The following FRMPD2 variants were observed in gnomAD, a reference collection of about 807,000 sequenced individuals.
FRMPD2 encodes FERM and PDZ domain containing 2.
A neutral mutation model predicts 140.1 loss-of-function variants in FRMPD2; 96 were observed. The observed-to-expected ratio is 0.69, with a 90% CI of 0.58 to 0.81. The LOEUF (loss-of-function observed/expected upper bound fraction) is 0.81, where lower values mean the gene tolerates loss of function less well. Among genes scored for constraint, FRMPD2 ranks in the 40% least tolerant of loss-of-function variants. The pLI is 0.00. For missense variants in FRMPD2, 1,240 were observed against 1,447.4 expected (o/e 0.86, Z 2.32); for synonymous variants, 449 against 547.6 (o/e 0.82, Z 2.52).
At chr10:48,243,282 A>G (rs1194491827) in intron 4 of FRMPD2, among the ~76,000 whole-genome samples, 1 of 152,222 alleles carries the variant, frequency 6.6e-6, no homozygotes, top group Non-Finnish European at 1.5e-5. Flanking sequence ...AGGCCATGGC[A>G]CTAATGTAGA....
intron 16 of FRMPD2, among the ~76,000 whole-genome samples, chr10:48,192,437 A>G (rs143109422): frequency 1.3e-5 from 2 of 152,162 alleles, no homozygotes; most frequent in Non-Finnish European, 2.9e-5. Flanking sequence ...AAATATAAAA[A>G]TTAGCAGGGT....
chr10:48,205,793 A>G (rs1839186805), intron 14 of FRMPD2, among the ~76,000 whole-genome samples: 1 of 152,218 alleles, frequency 6.6e-6, no homozygotes, highest in South Asian at 2.1e-4. Flanking sequence ...CTGAAAACAA[A>G]CAATAATTTA....
At chr10:48,221,910 A>G (rs959344800) in intron 12 of FRMPD2, among the ~76,000 whole-genome samples, 1 of 144,826 alleles carries the variant, frequency 6.9e-6, no homozygotes, top group Non-Finnish European at 1.5e-5. Flanking sequence ...GAGTGGATGG[A>G]TGGATGGATG....
intron 10 of FRMPD2, among the ~76,000 whole-genome samples, chr10:48,230,915 C>T (rs553177372): frequency 5.2e-4 from 79 of 152,314 alleles, no homozygotes; most frequent in African/African-American, 1.7e-3. Flanking sequence ...AAATGCCCAA[C>T]GCTGGTCTAG....
At chr10:48,198,298 C>T (rs1421478260) in intron 15 of FRMPD2, among the ~76,000 whole-genome samples, 1 of 152,192 alleles carries the variant, frequency 6.6e-6, no homozygotes, top group Non-Finnish European at 1.5e-5. Context: ...TATCTTAAAA[C>T]ACAATATTAA....
intron 1 of FRMPD2, among the ~76,000 whole-genome samples, chr10:48,252,720 C>T (rs1344027746): frequency 6.6e-6 from 1 of 152,182 alleles, no homozygotes. Flanking sequence ...GAAAGCTTGA[C>T]CTGTGAGCCG....
At chr10:48,199,133 T>C (rs1442501442) in intron 15 of FRMPD2, among the ~76,000 whole-genome samples, 1 of 152,144 alleles carries the variant, frequency 6.6e-6, no homozygotes, top group African/African-American at 2.4e-5. Context: ...ACCTATCAGG[T>C]ACTATGCTCA....
intron 18 of FRMPD2, among the ~76,000 whole-genome samples, chr10:48,185,292 G>A (rs1257376241): frequency 6.6e-6 from 1 of 152,122 alleles, no homozygotes; most frequent in Non-Finnish European, 1.5e-5. Context: ...GAGGAATGTT[G>A]TTACATGGTA....
At chr10:48,203,885 G>A (rs553374173) in intron 14 of FRMPD2, among the ~76,000 whole-genome samples, 23 of 152,258 alleles carry the variant, frequency 1.5e-4, no homozygotes, top group African/African-American at 5.5e-4. Flanking sequence ...ACGTCCCTTC[G>A]CACCAGGTGG....
At chr10:48,274,717 T>C, upstream of FRMPD2, 2 of 707,772 alleles carry the variant, frequency 2.8e-6, no homozygotes, top group Non-Finnish European at 5.0e-6. Flanking sequence ...AAGCACTTGC[T>C]GCCCAGCGAG....
At chr10:48,173,708 A>G (rs1268097726) in intron 24 of FRMPD2, among the ~76,000 whole-genome samples, 1 of 152,108 alleles carries the variant, frequency 6.6e-6, no homozygotes, top group Non-Finnish European at 1.5e-5. Context: ...ACCCAAACCC[A>G]TGGCACCCCA....
chr10:48,176,822 G>A (rs1838421763), intron 22 of FRMPD2, among the ~76,000 whole-genome samples: 1 of 151,912 alleles, frequency 6.6e-6, no homozygotes, highest in Admixed American at 6.6e-5. Context: ...TTATTGCTTG[G>A]TTTCTTACTT....
At chr10:48,270,245 C>T (rs974560071) in intron 1 of FRMPD2, among the ~76,000 whole-genome samples, 15 of 152,090 alleles carry the variant, frequency 9.9e-5, no homozygotes, top group African/African-American at 3.1e-4. Flanking sequence ...AAGTGGGCTT[C>T]GATGATGAGC....
chr10:48,157,441 A>G lies in FRMPD2; in HGVS notation c.3882-71T>C, dbSNP rs1837814516. 1.9e-5 allele frequency: 17 copies of G among 873,906 alleles called. No homozygotes were observed. In the East Asian group the frequency reaches 3.9e-4, roughly 20 times the overall value. 54.1% of individuals were successfully genotyped at this position (873,906 alleles called of 1,614,324 possible). ...TCTCAGCCTCCTTACCCCCACCCAA[A>G]TCAATGGGTTGGCTTTATTATGTGC... On this transcript the variant is annotated intron_variant, in intron 28 of 28. Transcript: ENST00000374201.
At chr10:48,263,305 T>C (rs1029729626) in intron 1 of FRMPD2, among the ~76,000 whole-genome samples, 2 of 150,504 alleles carry the variant, frequency 1.3e-5, no homozygotes, top group African/African-American at 4.9e-5. Context: ...AAGCAAATAA[T>C]AACAAATTAG....
At chr10:48,197,381 G>A (rs906095231) in intron 15 of FRMPD2, among the ~76,000 whole-genome samples, 10 of 152,068 alleles carry the variant, frequency 6.6e-5, no homozygotes, top group Admixed American at 5.9e-4. Flanking sequence ...CCTACAGTAC[G>A]GTCTGTGTGC....
At chr10:48,176,034 C>A in intron 22 of FRMPD2, 95 bp from the exon 23 acceptor site, 1 of 646,934 alleles carries the variant, frequency 1.5e-6, no homozygotes, top group South Asian at 1.9e-5. Flanking sequence ...CTGCCCACCA[C>A]TCTATCCCAT....
chr10:48,250,757 T>C (rs776706425), intron 2 of FRMPD2, among the ~76,000 whole-genome samples: 8 of 151,366 alleles, frequency 5.3e-5, no homozygotes, highest in Non-Finnish European at 8.8e-5. Flanking sequence ...TAATTCTTTC[T>C]ATTAACCTCC....
intron 10 of FRMPD2, among the ~76,000 whole-genome samples, chr10:48,230,232 C>T (rs1032216790): frequency 6.6e-6 from 1 of 152,114 alleles, no homozygotes; most frequent in South Asian, 2.1e-4. Flanking sequence ...CCTGATCCAA[C>T]CAGAATTCTA....
Sources: gnomAD v4.1 joint callset for allele counts (sites outside exome capture counted in the v4.1 genomes callset) on GRCh38, gnomAD v4.1.1 for gene constraint, MANE v1.5 for transcripts, NCBI Gene and HGNC (gene_info 2026-07-23, HGNC 2026-07-21) for gene names.